The following PDE1A variants were observed in gnomAD, a reference collection of about 807,000 sequenced individuals.
PDE1A encodes the protein phosphodiesterase 1A.
Under a neutral mutation model 61.7 loss-of-function variants are expected in PDE1A, and 35 were observed. The observed-to-expected ratio is 0.57, with a 90% CI of 0.43 to 0.75. The LOEUF is 0.75. Ranked by LOEUF, PDE1A falls within the 30% of genes least tolerant of loss-of-function variation. The pLI is 0.00. For missense variants in PDE1A, 597 were observed against 630.6 expected (o/e 0.95, Z 0.57); for synonymous variants, 232 against 213.2 (o/e 1.09, Z -0.77).
intron 1 of PDE1A, among the ~76,000 whole-genome samples, chr2:182,412,882 C>A (rs1257996988): frequency 6.6e-6 from 1 of 152,132 alleles, no homozygotes; most frequent in Non-Finnish European, 1.5e-5. Context: ...AAATTCAGAG[C>A]TACAAATAAA....
chr2:182,187,737 C>CTTTTTTTTTTTTTT (rs1038970569), intron 11 of PDE1A, among the ~76,000 whole-genome samples: 10 of 66,384 alleles, frequency 1.5e-4, no homozygotes, highest in East Asian at 5.5e-4. Flanking sequence ...TTTTTTTGTT[C>CTTTTTTTTTTTTTT]TTTTTTTTTT....
At chr2:182,679,537 A>C in the PDE1A span, among the ~76,000 whole-genome samples, 1 of 151,980 alleles carries the variant, frequency 6.6e-6, no homozygotes, top group Non-Finnish European at 1.5e-5. Flanking sequence ...CATTGTATAC[A>C]TGTATTGAAA....
intron 2 of PDE1A, among the ~76,000 whole-genome samples, chr2:182,260,480 A>C (rs1692144328): frequency 6.6e-6 from 1 of 152,216 alleles, no homozygotes; most frequent in Non-Finnish European, 1.5e-5. Context: ...AAGTATATAG[A>C]AAATCAACCA....
upstream of PDE1A, among the ~76,000 whole-genome samples, chr2:182,526,777 T>C (rs1396629938): frequency 6.6e-6 from 1 of 152,174 alleles, no homozygotes; most frequent in Non-Finnish European, 1.5e-5. Context: ...TTAAAATTCT[T>C]ACAGATAAAT....
At chr2:182,447,965 C>T (rs1685251442) in intron 2 of PDE1A, among the ~76,000 whole-genome samples, 1 of 152,072 alleles carries the variant, frequency 6.6e-6, no homozygotes, top group African/African-American at 2.4e-5. Context: ...GGGGCTAGAA[C>T]ACAAACTTCT....
intron 1 of PDE1A, among the ~76,000 whole-genome samples, chr2:182,359,286 A>G (rs1256870280): frequency 1.3e-5 from 2 of 152,190 alleles, no homozygotes; most frequent in African/African-American, 4.8e-5. Context: ...AGAGCACACT[A>G]ACTCACTTAG....
intron 1 of PDE1A, among the ~76,000 whole-genome samples, chr2:182,300,486 G>A (rs1300381216): frequency 6.6e-6 from 1 of 152,102 alleles, no homozygotes; most frequent in Non-Finnish European, 1.5e-5. Flanking sequence ...CCTTCCCATT[G>A]GGCAGAGTTT....
intron 7 of PDE1A, among the ~76,000 whole-genome samples, chr2:182,213,049 C>T (rs1344137451): frequency 1.3e-5 from 2 of 150,304 alleles, no homozygotes; most frequent in Non-Finnish European, 3.0e-5. Context: ...AGTGGTTCTC[C>T]CAGCATGCAG....
chr2:182,372,528 G>C (rs1196557818), intron 1 of PDE1A, among the ~76,000 whole-genome samples: 1 of 152,176 alleles, frequency 6.6e-6, no homozygotes, highest in African/African-American at 2.4e-5. Context: ...ACTGTTATAT[G>C]CTGCTGATAT....
At chr2:182,465,889 G>A (rs749975515) in intron 2 of PDE1A, among the ~76,000 whole-genome samples, 6 of 152,058 alleles carry the variant, frequency 3.9e-5, no homozygotes, top group Admixed American at 2.6e-4. Flanking sequence ...GTTTACTTTT[G>A]TGGCCCCAGT....
At chr2:182,605,150 G>GC in the PDE1A span, among the ~76,000 whole-genome samples, 1 of 151,882 alleles carries the variant, frequency 6.6e-6, no homozygotes, top group Non-Finnish European at 1.5e-5. Flanking sequence ...GCCCGTCTCT[G>GC]CCCTGGGCCC....
At chr2:182,708,551 T>C in the PDE1A span, among the ~76,000 whole-genome samples, 7 of 152,150 alleles carry the variant, frequency 4.6e-5, no homozygotes, top group African/African-American at 1.7e-4. Context: ...CAGTTCTGCA[T>C]GGCTGGAATG....
At chr2:182,561,376 T>C in the PDE1A span, among the ~76,000 whole-genome samples, 1,711 of 151,784 alleles carry the variant, frequency 0.011, 36 homozygotes, top group African/African-American at 0.039. Flanking sequence ...AGATATGAGG[T>C]GTTATTTCTG....
chr2:182,353,190 G>A (rs536005081), intron 1 of PDE1A, among the ~76,000 whole-genome samples: 13 of 152,290 alleles, frequency 8.5e-5, no homozygotes, highest in Admixed American at 6.5e-4. Context: ...GTTCTGTTTC[G>A]TCTGTCTTCT....
At chr2:182,491,841 C>T (rs1688414927) in intron 2 of PDE1A, among the ~76,000 whole-genome samples, 1 of 152,122 alleles carries the variant, frequency 6.6e-6, no homozygotes, top group African/African-American at 2.4e-5. Context: ...GCCACTTTTC[C>T]TACCAGTTGT....
chr2:182,532,945 C>CAAA, the PDE1A span, among the ~76,000 whole-genome samples: 4,160 of 21,142 alleles, frequency 0.2, 1,474 homozygotes, highest in Non-Finnish European at 0.2. Context: ...GACTCCGTCT[C>CAAA]AAAAAAAAAA....
chr2:182,372,291 G>T (rs1229304149), intron 1 of PDE1A, among the ~76,000 whole-genome samples: 4 of 152,188 alleles, frequency 2.6e-5, no homozygotes, highest in Non-Finnish European at 2.9e-5. Flanking sequence ...TTACATAGGG[G>T]AGAAGTATTG....
At chr2:182,648,536 T>TAAAAAAAAAAAAAAAAAAAAAAAAAAAAA in the PDE1A span, among the ~76,000 whole-genome samples, 3 of 92,230 alleles carry the variant, frequency 3.3e-5, no homozygotes, top group African/African-American at 4.3e-5. Context: ...AAAAAAAAAT[T>TAAAAAAAAAAAAAAAAAAAAAAAAAAAAA]AAAAAAATTA....
downstream of PDE1A, among the ~76,000 whole-genome samples, chr2:182,144,032 G>A (rs1156819281): frequency 6.6e-6 from 1 of 152,120 alleles, no homozygotes; most frequent in Non-Finnish European, 1.5e-5. Context: ...TAGACTCACA[G>A]GGACTGTAGT....
Sources: gnomAD v4.1 joint callset for allele counts (sites outside exome capture counted in the v4.1 genomes callset) on GRCh38, gnomAD v4.1.1 for gene constraint, MANE v1.5 for transcripts, NCBI Gene and HGNC (gene_info 2026-07-23, HGNC 2026-07-21) for gene names.